FRMPD4: variants seen among roughly 807,000 people sequenced by gnomAD.
FRMPD4 encodes FERM and PDZ domain-containing protein 4.
A neutral mutation model predicts 94.1 loss-of-function variants in FRMPD4; 22 were observed. The ratio of observed to expected loss-of-function variants is 0.23; its 90% CI spans 0.17 to 0.33. The LOEUF is 0.33. FRMPD4 is among the 10% of genes least tolerant of loss of function. FRMPD4 has a pLI of 1.00. For missense variants in FRMPD4, 1,111 were observed against 1,339.9 expected, an observed-to-expected ratio of 0.83 and a Z score of 2.67; for synonymous variants, 631 against 548.6, an observed-to-expected ratio of 1.15 and a Z score of -2.10.
At chrX:12,461,106 G>A (rs1051857042) in intron 1 of FRMPD4, among the ~76,000 whole-genome samples, 1 of 111,823 alleles carries the variant, frequency 8.9e-6, no homozygotes, top group African/African-American at 3.2e-5. Context: ...GACCTATATA[G>A]TTTGTTTTTA....
rs2054168801 is a variant in FRMPD4 at position 11,942,873 on chromosome X, CT to C, written c.95+64856del. On this transcript the variant is annotated intron_variant, in intron 3 of 18. Transcript: ENST00000640291. ...TGTCACTCCCCATTCCCCTCTCCTC[CT>C]AACCCCTGGCAACCAAGTACCAGAC... is the stretch of plus-strand genomic sequence containing the variant. 2.7e-5 allele frequency among the ~76,000 whole-genome samples: 3 copies of C among 111,873 alleles called. No individual in the cohort carries two copies. In the Admixed American group the frequency reaches 2.9e-4, roughly 11 times the overall value.
chrX:12,023,744 AT>A (rs1388209835), intron 3 of FRMPD4, among the ~76,000 whole-genome samples: 7 of 109,324 alleles, frequency 6.4e-5, no homozygotes, highest in Non-Finnish European at 9.6e-5. Flanking sequence ...ACTCTGCTCC[AT>A]TTTTTTTTAA....
At chrX:12,199,238 TG>T (rs2056600822) in intron 1 of FRMPD4, among the ~76,000 whole-genome samples, 1 of 13,581 alleles carries the variant, frequency 7.4e-5, no homozygotes, top group African/African-American at 2.2e-4. Context: ...GAAAGGAAAA[TG>T]TGTGTGTGTG....
chrX:12,316,734 T>TA (rs1020344936), intron 1 of FRMPD4, among the ~76,000 whole-genome samples: 8 of 110,306 alleles, frequency 7.3e-5, no homozygotes, highest in Non-Finnish European at 1.3e-4. Flanking sequence ...AGAGTACCAT[T>TA]AAAAAAACAA....
chrX:12,479,149 T>A lies in FRMPD4; in HGVS notation c.42-19531T>A, dbSNP rs949581901. Among the ~76,000 whole-genome samples the A allele has an allele frequency of 4.5e-5, 5 of 110,299 alleles. No homozygotes were observed. The Admixed American group carries it at 4.9e-4, about 11-fold the overall frequency. On this transcript the variant is annotated intron_variant, in intron 1 of 16. Coordinates refer to ENST00000675598, the MANE Select transcript of FRMPD4 (RefSeq NM_001368397.1). ...AATAAAGCATAAACCAAATTTATGA[T>A]TTTTCCCCTTTATGCCTCTTCAACA...
upstream of FRMPD4, among the ~76,000 whole-genome samples, chrX:12,134,093 G>T (rs1475712507): frequency 8.9e-6 from 1 of 112,117 alleles, no homozygotes; most frequent in Admixed American, 9.4e-5. Context: ...CGTTCCGTCT[G>T]CATGGAATGC....
At chrX:12,645,498 G>A (rs944324088) in intron 4 of FRMPD4, among the ~76,000 whole-genome samples, 3 of 108,387 alleles carry the variant, frequency 2.8e-5, no homozygotes, top group Non-Finnish European at 3.8e-5. Context: ...TGGGATTGGA[G>A]GCATGCACCA....
chrX:12,105,354 A>G (rs1231550198), intron 3 of FRMPD4, among the ~76,000 whole-genome samples: 1 of 112,447 alleles, frequency 8.9e-6, no homozygotes, highest in Non-Finnish European at 1.9e-5. Flanking sequence ...TGATTTATTA[A>G]TCTTTCCATT....
chrX:12,666,100 G>GC (rs2059775207), intron 4 of FRMPD4, among the ~76,000 whole-genome samples: 1 of 51,042 alleles, frequency 2.0e-5, no homozygotes, highest in Admixed American at 2.1e-4. Context: ...CAAATGGAAA[G>GC]CAAAAAAAAA....
intron 8 of FRMPD4, among the ~76,000 whole-genome samples, chrX:12,693,006 C>G (rs1461487198): frequency 8.9e-6 from 1 of 111,875 alleles, no homozygotes; most frequent in African/African-American, 3.3e-5. Flanking sequence ...CTGCCCACAG[C>G]CAGAAAGCTG....
chrX:12,190,769 A>G (rs1477061883), intron 1 of FRMPD4, among the ~76,000 whole-genome samples: 2 of 110,244 alleles, frequency 1.8e-5, no homozygotes, highest in Middle Eastern at 4.6e-3. Flanking sequence ...TCACAGACCT[A>G]GAAGTAAAAT....
chrX:12,496,728 T>C (rs1179892205), intron 1 of FRMPD4, among the ~76,000 whole-genome samples: 1 of 112,079 alleles, frequency 8.9e-6, no homozygotes, highest in Non-Finnish European at 1.9e-5. Context: ...TGTCAACACA[T>C]TAACAGACAT....
At chrX:12,036,582 C>G (rs1376603724) in intron 3 of FRMPD4, among the ~76,000 whole-genome samples, 1 of 111,064 alleles carries the variant, frequency 9.0e-6, no homozygotes, top group Non-Finnish European at 1.9e-5. Flanking sequence ...GCGGAGAACC[C>G]TTTGAGTTTG....
chrX:11,973,138 C>CT (rs1465059560), intron 3 of FRMPD4, among the ~76,000 whole-genome samples: 3 of 112,670 alleles, frequency 2.7e-5, no homozygotes, highest in Non-Finnish European at 3.7e-5. Flanking sequence ...TTCAGTGCCT[C>CT]TTTCTAATTC....
At chrX:12,411,347 G>T (rs1375575811) in intron 1 of FRMPD4, among the ~76,000 whole-genome samples, 2 of 112,296 alleles carry the variant, frequency 1.8e-5, no homozygotes, top group East Asian at 5.6e-4. Context: ...ATGAATATTT[G>T]CTTTGCTGAT....
intron 1 of FRMPD4, among the ~76,000 whole-genome samples, chrX:12,464,053 A>T (rs1306992179): frequency 9.0e-6 from 1 of 111,619 alleles, no homozygotes. Context: ...GGCCTAAAAT[A>T]GCTAAATAAA....
chrX:11,911,715 A>AAAGG lies in FRMPD4; in HGVS notation c.95+33697_95+33698insAAGG, dbSNP rs1331368280. Among the ~76,000 whole-genome samples the AAAGG allele has an allele frequency of 5.3e-4, 59 of 112,296 alleles. 1 individual carries two copies. The East Asian group carries it at 0.015, about 28-fold the overall frequency. On this transcript the variant is annotated intron_variant, in intron 3 of 18. Coordinates refer to the FRMPD4 transcript ENST00000640291. ...GCTGGTGGCAGACATTTTTGTGGAC[A>AAAGG]CATGAAAGGCATCCTTTGGAACATT...
chrX:12,034,232 C>A (rs759350735), intron 3 of FRMPD4, among the ~76,000 whole-genome samples: 21 of 111,815 alleles, frequency 1.9e-4, no homozygotes, highest in Admixed American at 3.8e-4. Flanking sequence ...GTCCTGGAGA[C>A]GGGGTAAGAA....
At chrX:12,591,851 G>T (rs1327743468) in intron 2 of FRMPD4, among the ~76,000 whole-genome samples, 1 of 111,734 alleles carries the variant, frequency 8.9e-6, no homozygotes, top group Admixed American at 9.5e-5. Context: ...ATACCTCAAA[G>T]TATGGTGCCT....
Sources: gnomAD v4.1 joint callset for allele counts (sites outside exome capture counted in the v4.1 genomes callset) on GRCh38, gnomAD v4.1.1 for gene constraint, MANE v1.5 for transcripts, NCBI Gene and HGNC (gene_info 2026-07-23, HGNC 2026-07-21) for gene names.